The following TTC7A variants were observed in gnomAD, a reference collection of about 807,000 sequenced individuals.
TTC7A encodes the protein tetratricopeptide repeat protein 7A.
TTC7A carries 110 observed loss-of-function variants against 103.7 expected under a neutral mutation model. The observed-to-expected ratio is 1.06, with a 90% confidence interval of 0.91 to 1.24. TTC7A has a LOEUF of 1.24. Ranked by LOEUF, TTC7A falls within the 50% of genes most tolerant of loss-of-function variation. TTC7A has a pLI of 0.00. For missense variants in TTC7A, 1,340 were observed against 1,116.3 expected (o/e 1.20, Z -2.86); for synonymous variants, 521 against 467.9 (o/e 1.11, Z -1.47).
At position 46,950,641 on chromosome 2, in the gene TTC7A, T is replaced by A; in HGVS notation, c.348+115T>A. 4 of 1,208,426 alleles carry A rather than the reference T, an allele frequency of 3.3e-6. No individual in the cohort carries two copies. The East Asian group carries it at 1.0e-4, about 31-fold the overall frequency. The allele number at this position is 1,208,426 out of a possible 1,614,324, so 74.9% of individuals were successfully genotyped here. On this transcript the variant is annotated intron_variant, in intron 2 of 19. Coordinates refer to ENST00000319190, the MANE Select transcript of TTC7A (RefSeq NM_020458.4). The stretch of plus-strand genomic sequence containing the variant: ...TGAGCAACAAGTCTCTCTTACAAGC[T>A]GCCCTTGCACTTACAGTAGCCACTG...
At position 46,941,820 on chromosome 2, in the gene TTC7A, G is replaced by A; in HGVS notation, c.184+95G>A. On this transcript the variant is annotated intron_variant, in intron 1 of 19. Coordinates refer to ENST00000319190, the MANE Select transcript of TTC7A (RefSeq NM_020458.4). This position sits in a 1 kb window ranked among gnomAD's most constrained non-coding sequence, Gnocchi z 4.2. ...GCCCAGACAGTCCTCGGCCGACAGC[G>A]GGCGCCTGCCAGCCCACCGTGCTAG... The A allele has an allele frequency of 6.8e-7, 1 of 1,480,140 alleles. No individual in the cohort carries two copies. Among genetic ancestry groups the A allele is most frequent in the African/African-American group, 1.4e-5 (1 of 71,368 alleles). The allele number at this position is 1,480,140 out of a possible 1,614,324, so 91.7% of individuals were successfully genotyped here.
chr2:47,008,491 C>G (rs1321265198), intron 10 of TTC7A, among the ~76,000 whole-genome samples: 1 of 152,222 alleles, frequency 6.6e-6, no homozygotes, highest in Admixed American at 6.5e-5. Flanking sequence ...CGACTTGGCT[C>G]CTTCACAGAC....
In TTC7A at chr2:47,022,884, C is replaced by T. The variant is rs571244100; in HGVS notation, c.1511-524C>T. Among the ~76,000 whole-genome samples the T allele has an allele frequency of 3.3e-5, 5 of 152,340 alleles. No individual in the cohort carries two copies. The South Asian group carries it at 1.0e-3, about 32-fold the overall frequency. On this transcript the variant is annotated intron_variant, in intron 12 of 19. Transcript: ENST00000319190. ...CTCTGACAACTGTCAATGCTTGGTC[C>T]TCGCCAGTGGGATTCTGATCAGGTT...
exon 1 of TTC7A, chr2:46,916,450 A>G (rs1668793901): frequency 6.6e-6 from 1 of 152,406 alleles, no homozygotes; most frequent in African/African-American, 2.4e-5. Context: ...TTGACATTCA[A>G]GAGAGGACAG....
At chr2:47,011,289 A>G (rs753384989) in intron 10 of TTC7A, 42 bp from the exon 11 acceptor site, 7 of 1,580,276 alleles carry the variant, frequency 4.4e-6, no homozygotes, top group Non-Finnish European at 4.3e-6. Context: ...CTTGAGATCC[A>G]GGACTGTGAG....
At chr2:46,942,285 T>C (rs1670499522) in intron 1 of TTC7A, among the ~76,000 whole-genome samples, 1 of 152,104 alleles carries the variant, frequency 6.6e-6, no homozygotes, top group African/African-American at 2.4e-5. Context: ...GCTTTAGCAG[T>C]AGGGCTGGTT....
intron 19 of TTC7A, 68 bp downstream of exon 19, chr2:47,061,039 C>G: frequency 6.9e-7 from 1 of 1,450,326 alleles, no homozygotes; most frequent in Non-Finnish European, 9.3e-7. Context: ...CCCGCTTTGT[C>G]CCTCCTTGTC....
Position 46,941,727 on chromosome 2 carries a change from T to A in TTC7A, c.184+2T>A, listed in dbSNP as rs1011577334. On this transcript the variant is annotated splice_donor_variant, in intron 1 of 19. Coordinates refer to ENST00000319190, the MANE Select transcript of TTC7A (RefSeq NM_020458.4). LOFTEE classifies it high-confidence loss of function. This position sits in a 1 kb window ranked among gnomAD's most constrained non-coding sequence, Gnocchi z 4.2. ...CAGCGTTCACCTTTCCGGACACCGG[T>A]GAGTAAGGGAAGAGGCTGGCTCGCC... 6.5e-7 allele frequency: 1 copy of A among 1,549,280 alleles called. No homozygotes were observed.
chr2:46,962,152 C>G (rs535006273), intron 3 of TTC7A, among the ~76,000 whole-genome samples: 74 of 152,196 alleles, frequency 4.9e-4, no homozygotes, highest in Non-Finnish European at 8.8e-4. Context: ...GAGGTCTGCT[C>G]CTGGTGTCCA....
intron 2 of TTC7A, among the ~76,000 whole-genome samples, chr2:46,932,657 T>G (rs893519646): frequency 6.6e-6 from 1 of 151,884 alleles, no homozygotes; most frequent in East Asian, 1.9e-4. Context: ...TCCCAGCAAT[T>G]TGGGAGGCCA....
chr2:46,927,377 G>C (rs1669443222), intron 2 of TTC7A, among the ~76,000 whole-genome samples: 1 of 136,516 alleles, frequency 7.3e-6, no homozygotes, highest in Non-Finnish European at 1.6e-5. Flanking sequence ...TTTTTTTTGA[G>C]ATGGAGTCTC....
intron 15 of TTC7A, among the ~76,000 whole-genome samples, chr2:47,032,566 T>C (rs1343208596): frequency 6.6e-6 from 1 of 152,134 alleles, no homozygotes; most frequent in African/African-American, 2.4e-5. Flanking sequence ...CTGGAGGTTA[T>C]TCTGCAACCT....
intron 15 of TTC7A, chr2:47,045,402 G>C (rs963409593): frequency 6.6e-6 from 1 of 152,268 alleles, no homozygotes; most frequent in African/African-American, 2.4e-5. Context: ...TGTGCCTGCT[G>C]TGTCCAGGGT....
chr2:47,033,913 G>A (rs969247101), intron 15 of TTC7A, among the ~76,000 whole-genome samples: 2 of 152,198 alleles, frequency 1.3e-5, no homozygotes, highest in Non-Finnish European at 2.9e-5. Flanking sequence ...GGAAAGGTTA[G>A]TGAGCTCCTT....
chr2:46,966,419 C>T (rs946569943), intron 3 of TTC7A, among the ~76,000 whole-genome samples: 1 of 152,068 alleles, frequency 6.6e-6, no homozygotes, highest in African/African-American at 2.4e-5. Flanking sequence ...ATTATATATG[C>T]TTTTAAAATG....
At chr2:47,033,101 G>C (rs1680742283) in intron 15 of TTC7A, among the ~76,000 whole-genome samples, 1 of 152,124 alleles carries the variant, frequency 6.6e-6, no homozygotes, top group Non-Finnish European at 1.5e-5. Context: ...ACAGGTCAGG[G>C]ATCACTGAAA....
At chr2:46,923,311 C>T (rs1180727287) in intron 2 of TTC7A, among the ~76,000 whole-genome samples, 13 of 152,334 alleles carry the variant, frequency 8.5e-5, no homozygotes, top group Admixed American at 1.3e-4. Flanking sequence ...CTAAGAGTCC[C>T]AACCTTCTAA....
intron 3 of TTC7A, among the ~76,000 whole-genome samples, chr2:46,966,212 G>C (rs1263765565): frequency 6.6e-6 from 1 of 152,162 alleles, no homozygotes; most frequent in Non-Finnish European, 1.5e-5. Flanking sequence ...GGCTCCCAAA[G>C]TGTTGGGATT....
intron 14 of TTC7A, among the ~76,000 whole-genome samples, chr2:47,028,403 G>A (rs1006387644): frequency 2.6e-5 from 4 of 152,370 alleles, no homozygotes; most frequent in South Asian, 4.1e-4. Context: ...TGCCTGCAGG[G>A]TTGGCGGGAG....
Sources: allele counts gnomAD v4.1 joint callset (sites outside exome capture counted in the v4.1 genomes callset), GRCh38; gene constraint gnomAD v4.1.1; non-coding constraint Gnocchi (gnomAD v3.1); transcripts MANE v1.5; gene names NCBI Gene and HGNC (gene_info 2026-07-23, HGNC 2026-07-21).